Variants in CDH23 observed in about 807,000 individuals in gnomAD.
CDH23 encodes cadherin related 23, also known as cadherin-23.
In CDH23, 189 loss-of-function variants were observed where a neutral mutation model predicts 317.1. That is an observed-to-expected ratio of 0.60 (90% CI 0.53 to 0.67). CDH23 has a LOEUF of 0.67. CDH23 is among the 30% of genes least tolerant of loss of function. CDH23 has a pLI of 0.00. For missense variants in CDH23, 4,401 were observed against 4,592.4 expected (o/e 0.96, Z 1.20); for synonymous variants, 1,839 against 1,876.8 (o/e 0.98, Z 0.52).
intron 14 of CDH23, chr10:71,647,191 G>A (rs1014845225): frequency 2.6e-5 from 18 of 700,248 alleles, no homozygotes; most frequent in Non-Finnish European, 3.0e-5. Context: ...GGCCGGGCTC[G>A]GTGGCTCACG....
chr10:71,521,538 G>A (rs772958924), intron 6 of CDH23, among the ~76,000 whole-genome samples: 19 of 152,100 alleles, frequency 1.2e-4, no homozygotes, highest in African/African-American at 2.4e-4. Flanking sequence ...TTGTTCCTGC[G>A]GTGCCCTCCC....
At chr10:71,530,211 G>A (rs1185212771) in intron 6 of CDH23, among the ~76,000 whole-genome samples, 1 of 152,230 alleles carries the variant, frequency 6.6e-6, no homozygotes, top group Non-Finnish European at 1.5e-5. Flanking sequence ...CTGTCAGCCA[G>A]GCTTTCCTTA....
chr10:71,771,414 A>G (rs1840681688), intron 38 of CDH23, among the ~76,000 whole-genome samples: 1 of 152,172 alleles, frequency 6.6e-6, no homozygotes. Flanking sequence ...AAAGGCTTTG[A>G]CCTTGGGCAA....
intron 69 of CDH23, among the ~76,000 whole-genome samples, chr10:71,813,915 GAAAGA>G (rs908605492): frequency 6.6e-6 from 1 of 152,164 alleles, no homozygotes; most frequent in East Asian, 1.9e-4. Context: ...AAAAAAAAAG[GAAAGA>G]AAAGAAACTG....
chr10:71,566,137 G>A (rs571930402), intron 6 of CDH23, among the ~76,000 whole-genome samples: 6 of 152,118 alleles, frequency 3.9e-5, no homozygotes, highest in African/African-American at 1.2e-4. Context: ...GGAGAGGGGC[G>A]CCCTGCATCT....
intron 7 of CDH23, among the ~76,000 whole-genome samples, chr10:71,568,395 T>C (rs557438333): frequency 1.2e-3 from 183 of 152,336 alleles, no homozygotes; most frequent in African/African-American, 4.1e-3. Flanking sequence ...GCTTGCCCGC[T>C]GTGGGATAAT....
At chr10:71,532,839 C>T (rs1282431860) in intron 6 of CDH23, among the ~76,000 whole-genome samples, 7 of 150,658 alleles carry the variant, frequency 4.6e-5, no homozygotes, top group African/African-American at 1.7e-4. Flanking sequence ...AAGCGATTCT[C>T]CTGCATCAGC....
intron 20 of CDH23, among the ~76,000 whole-genome samples, chr10:71,692,118 G>A (rs779333829): frequency 2.0e-5 from 3 of 152,188 alleles, no homozygotes; most frequent in Non-Finnish European, 4.4e-5. Context: ...CTCCTCACCT[G>A]TGAGGCAGGT....
At chr10:71,727,119 A>T (rs1391767314) in intron 30 of CDH23, among the ~76,000 whole-genome samples, 6 of 152,086 alleles carry the variant, frequency 3.9e-5, no homozygotes, top group Admixed American at 2.0e-4. Flanking sequence ...GTGTACTTTA[A>T]CCTCCGTAAC....
Position 71,511,112 on chromosome 10 carries a change from C to T in CDH23, c.337-8C>T, listed in dbSNP as rs1308202280. 3.1e-6 allele frequency: 5 copies of T among 1,613,182 alleles called. No homozygotes were observed. Among genetic ancestry groups the T allele is most frequent in the Admixed American group, 1.7e-5 (1 of 59,956 alleles). ...GGCGGCGCTAATTGCCCGCCTTTCTCTTGCCAGGTGATCACACGGAAGGTG... is the reference window on the plus strand; with the variant it reads ...GGCGGCGCTAATTGCCCGCCTTTCTTTTGCCAGGTGATCACACGGAAGGTG... On this transcript the variant is annotated splice_region_variant and splice_polypyrimidine_tract_variant and intron_variant, in intron 5 of 69. Coordinates refer to ENST00000224721, the MANE Select transcript of CDH23 (RefSeq NM_022124.6).
At chr10:71,659,066 C>T (rs1238665846) in intron 14 of CDH23, among the ~76,000 whole-genome samples, 1 of 152,162 alleles carries the variant, frequency 6.6e-6, no homozygotes, top group African/African-American at 2.4e-5. Context: ...ACAGAGAGCC[C>T]GTGACACCCT....
intron 1 of CDH23, among the ~76,000 whole-genome samples, chr10:71,421,399 G>T (rs867843082): frequency 7.2e-5 from 11 of 152,386 alleles, no homozygotes; most frequent in Middle Eastern, 3.4e-3. Context: ...ATATGAGAAA[G>T]AGCCGAGTAA....
intron 25 of CDH23, among the ~76,000 whole-genome samples, chr10:71,705,696 T>C (rs931391822): frequency 2.0e-5 from 3 of 152,104 alleles, no homozygotes; most frequent in Non-Finnish European, 4.4e-5. Flanking sequence ...AGGGACGGGG[T>C]ACTGTTTCCA....
chr10:71,567,059 T>G, intron 7 of CDH23, 123 bp downstream of exon 7: 3 of 886,564 alleles, frequency 3.4e-6, no homozygotes, highest in South Asian at 1.6e-5. Context: ...ATAATAATTA[T>G]AGTGGTGACA....
rs762930029 is a variant in CDH23, at chr10:71,812,557, C to G, written c.9458C>G (p.Pro3153Arg). The part of the protein sequence containing the change: ...AAQAEHEDDL[P>R]ENLSEIADLW... The stretch of plus-strand genomic sequence containing the variant: ...CAGGCGGAGCATGAGGATGACCTAC[C>G]GGAGAACCTGAGTGAGATCGCCGAC... The change falls in exon 67 of 70, where the codon CCG becomes CGG. Residue 3153 changes from proline to arginine, a missense_variant. Around this residue, in one of 3 missense-constraint regions of CDH23, gnomAD observed 1,144 missense variants for 1,138.2 expected, o/e 1.01. Transcript: ENST00000224721. 3.7e-6 allele frequency: 6 copies of G among 1,613,804 alleles called. No individual in the cohort carries two copies. In the East Asian group the frequency reaches 1.3e-4, roughly 36 times the overall value.
intron 42 of CDH23, 44 bp from the exon 43 acceptor site, chr10:71,784,847 T>A: frequency 6.5e-7 from 1 of 1,530,266 alleles, no homozygotes; most frequent in East Asian, 2.3e-5. Flanking sequence ...GCACAACATC[T>A]GTCGCTCTTC....
Position 71,566,765 on chromosome 10 carries a change from C to T in CDH23, c.453C>T (p.Ile151=), listed in dbSNP as rs756463059. The T allele has an allele frequency of 6.2e-7, 1 of 1,608,874 alleles. No homozygotes were observed. ...IPENTPVGTP[I]FIVNATDPDL... Reference sequence around the variant, plus strand: ...AGAATACACCAGTGGGGACGCCCATCTTCATCGTGAATGCCACAGACCCCG... The same window carrying T: ...AGAATACACCAGTGGGGACGCCCATTTTCATCGTGAATGCCACAGACCCCG... Residue 151 remains isoleucine (I), a synonymous_variant, in exon 7 of 70, where the codon ATC becomes ATT. Transcript: ENST00000224721.
chr10:71,737,581 C>G (rs569617072), intron 34 of CDH23: 3 of 424,008 alleles, frequency 7.1e-6, no homozygotes, highest in African/African-American at 6.1e-5. Flanking sequence ...GTCAGCAGGA[C>G]CTGGGAGCCC....
intron 53 of CDH23, among the ~76,000 whole-genome samples, chr10:71,802,487 C>A (rs546406591): frequency 2.0e-5 from 3 of 152,160 alleles, no homozygotes; most frequent in South Asian, 2.1e-4. Flanking sequence ...GTCAAGAGAA[C>A]CTTGGGGAAT....
Sources: allele counts gnomAD v4.1 joint callset (sites outside exome capture counted in the v4.1 genomes callset), GRCh38; gene constraint gnomAD v4.1.1; regional missense constraint gnomAD v4.1.1; transcripts MANE v1.5; gene names NCBI Gene and HGNC (gene_info 2026-07-23, HGNC 2026-07-21).